The following METTL15 variants were observed in gnomAD, a reference collection of about 807,000 sequenced individuals.
METTL15 encodes the protein 12S rRNA N(4)-cytidine methyltransferase METTL15.
Under a neutral mutation model 38.3 loss-of-function variants are expected in METTL15, and 34 were observed. The observed-to-expected ratio is 0.89, with a 90% CI of 0.68 to 1.18. The LOEUF (loss-of-function observed/expected upper bound fraction) is 1.18, where lower values mean the gene tolerates loss of function less well. Among genes scored for constraint, METTL15 ranks in the 50% most tolerant of loss-of-function variants. METTL15 has a pLI of 0.00. For synonymous variants in METTL15, 162 were observed against 170.9 expected, an observed-to-expected ratio of 0.95 and a Z score of 0.41; for missense variants, 438 against 498.4, an observed-to-expected ratio of 0.88 and a Z score of 1.15.
rs191848397 is a variant in METTL15, at chr11:28,158,931, A to G, written c.270+45327A>G. On this transcript the variant is annotated intron_variant, in intron 3 of 6. Coordinates refer to ENST00000407364, the MANE Select transcript of METTL15 (RefSeq NM_001113528.2). ...TGTGTGTGCTCTGAATCAGCGTCCA[A>G]TATATGGTACTGTTTCTCCCATAGC... Among the ~76,000 whole-genome samples, 16 of 152,252 alleles carry G rather than the reference A, an allele frequency of 1.1e-4. No individual in the cohort carries two copies. The East Asian group carries it at 2.7e-3, about 26-fold the overall frequency.
At chr11:28,293,986 A>G (rs1363670099) in intron 5 of METTL15, among the ~76,000 whole-genome samples, 3 of 152,286 alleles carry the variant, frequency 2.0e-5, no homozygotes, top group South Asian at 2.1e-4. Context: ...TAGATATACA[A>G]TCATGTCATC....
At chr11:28,140,988 A>T (rs1278008699) in intron 3 of METTL15, among the ~76,000 whole-genome samples, 9 of 152,190 alleles carry the variant, frequency 5.9e-5, no homozygotes, top group Non-Finnish European at 1.3e-4. Context: ...TTTCATTATT[A>T]TAGCCAAATA....
chr11:28,501,335 T>G (rs567521586), intron 6 of METTL15, among the ~76,000 whole-genome samples: 1 of 152,168 alleles, frequency 6.6e-6, no homozygotes, highest in Non-Finnish European at 1.5e-5. Flanking sequence ...AATTTCCTTA[T>G]AGGTAATCTA....
intron 4 of METTL15, among the ~76,000 whole-genome samples, chr11:28,222,329 C>T (rs749271796): frequency 4.6e-5 from 7 of 152,142 alleles, no homozygotes; most frequent in African/African-American, 7.2e-5. Flanking sequence ...AGTGAGGCTC[C>T]GTGGGCATAG....
chr11:28,259,424 C>G (rs776163756), intron 4 of METTL15, among the ~76,000 whole-genome samples: 3 of 152,142 alleles, frequency 2.0e-5, no homozygotes, highest in Non-Finnish European at 4.4e-5. Context: ...TCCAGTGATT[C>G]TGGGCCCAGT....
chr11:28,289,643 G>A (rs1488154783), intron 4 of METTL15, among the ~76,000 whole-genome samples: 3 of 152,138 alleles, frequency 2.0e-5, no homozygotes, highest in Non-Finnish European at 4.4e-5. Flanking sequence ...AATCCCTGCT[G>A]AGAGATAATA....
At chr11:28,423,805 A>T (rs1265496089) in intron 5 of METTL15, among the ~76,000 whole-genome samples, 2 of 152,004 alleles carry the variant, frequency 1.3e-5, no homozygotes, top group Non-Finnish European at 2.9e-5. Flanking sequence ...GCACAACAGG[A>T]TGACTGTAAT....
intron 6 of METTL15, among the ~76,000 whole-genome samples, chr11:28,496,745 C>T (rs757415279): frequency 1.4e-4 from 21 of 152,222 alleles, no homozygotes; most frequent in Non-Finnish European, 2.2e-4. Context: ...GAACTTGAGG[C>T]TCAGCTAGTG....
At chr11:28,206,482 C>T (rs984708807) in intron 3 of METTL15, among the ~76,000 whole-genome samples, 1 of 152,120 alleles carries the variant, frequency 6.6e-6, no homozygotes, top group Admixed American at 6.5e-5. Flanking sequence ...TGTTTTGGTA[C>T]CAGTACCATG....
At chr11:28,228,127 A>G (rs986831898) in intron 4 of METTL15, among the ~76,000 whole-genome samples, 25 of 151,900 alleles carry the variant, frequency 1.6e-4, no homozygotes. Context: ...GTCCAGCAGT[A>G]TATTTTTATT....
chr11:28,158,139 T>G (rs1850327986), intron 3 of METTL15, among the ~76,000 whole-genome samples: 1 of 152,076 alleles, frequency 6.6e-6, no homozygotes, highest in South Asian at 2.1e-4. Context: ...AAATTGGTGA[T>G]GAAGAAATTT....
chr11:28,232,237 A>G (rs1853715994), intron 4 of METTL15, among the ~76,000 whole-genome samples: 1 of 151,918 alleles, frequency 6.6e-6, no homozygotes, highest in Admixed American at 6.6e-5. Flanking sequence ...ACCATATCCT[A>G]TCTTCCAGTG....
intron 3 of METTL15, 81 bp downstream of exon 3, chr11:28,113,685 C>T (rs1851820320): frequency 6.8e-7 from 1 of 1,460,976 alleles, no homozygotes; most frequent in Non-Finnish European, 9.3e-7. Context: ...TTAAGGTATA[C>T]AATTCAGTGG....
intron 4 of METTL15, among the ~76,000 whole-genome samples, chr11:28,240,175 G>A (rs1854229179): frequency 6.6e-6 from 1 of 152,120 alleles, no homozygotes; most frequent in Non-Finnish European, 1.5e-5. Context: ...GACTTTTCAT[G>A]AGCTACTTCA....
chr11:28,290,772 C>T (rs573722672), intron 5 of METTL15, among the ~76,000 whole-genome samples: 2 of 151,000 alleles, frequency 1.3e-5, no homozygotes, highest in African/African-American at 4.9e-5. Flanking sequence ...AAAAGAACTA[C>T]ATATATTTAA....
chr11:28,380,102 T>C (rs1441341966), intron 5 of METTL15, among the ~76,000 whole-genome samples: 2 of 152,060 alleles, frequency 1.3e-5, no homozygotes, highest in Non-Finnish European at 2.9e-5. Context: ...TCTTTATAAG[T>C]GAAATGAGTT....
rs188238061 is a variant in METTL15 at position 28,343,382 on chromosome 11, T to C, written c.*190-8708T>C. 3.3e-4 allele frequency among the ~76,000 whole-genome samples: 51 copies of C among 152,350 alleles called. No individual in the cohort carries two copies. In the East Asian group the frequency reaches 9.1e-3, roughly 27 times the overall value. ...CCCTTTGAAATGTCACATTAACCTG[T>C]TTAACTTTCAGTCAGTTCTTTAAAG... On this transcript the variant is annotated intron_variant and NMD_transcript_variant, in intron 3 of 7. Coordinates refer to the METTL15 transcript ENST00000532947.
chr11:28,526,221 G>C (rs1016935270), intron 6 of METTL15, among the ~76,000 whole-genome samples: 6 of 152,364 alleles, frequency 3.9e-5, no homozygotes, highest in Admixed American at 3.9e-4. Flanking sequence ...CCAGCCCAGA[G>C]AGGGGTCCCC....
At chr11:28,401,491 T>C (rs1405934424) in intron 5 of METTL15, among the ~76,000 whole-genome samples, 1 of 152,030 alleles carries the variant, frequency 6.6e-6, no homozygotes, top group Non-Finnish European at 1.5e-5. Context: ...TTTATCTCTG[T>C]GCTTTTAGTG....
Sources: allele counts gnomAD v4.1 joint callset (sites outside exome capture counted in the v4.1 genomes callset), GRCh38; gene constraint gnomAD v4.1.1; transcripts MANE v1.5; gene names NCBI Gene and HGNC (gene_info 2026-07-23, HGNC 2026-07-21).